The following MBOAT2 variants were observed in gnomAD, a reference collection of about 807,000 sequenced individuals.
MBOAT2 encodes the protein membrane bound glycerophospholipid O-acyltransferase 2.
A neutral mutation model predicts 63.4 loss-of-function variants in MBOAT2; 28 were observed. That is an observed-to-expected ratio of 0.44 (90% CI 0.33 to 0.61). The LOEUF (loss-of-function observed/expected upper bound fraction) is 0.61. Ranked by LOEUF, MBOAT2 falls within the 20% of genes least tolerant of loss-of-function variation. The probability of loss-of-function intolerance (pLI) is 0.03; values close to 1 mark genes in which losing one functional copy is unlikely to be tolerated. For synonymous variants in MBOAT2, 211 were observed against 215.6 expected, an observed-to-expected ratio of 0.98 and a Z score of 0.19; for missense variants, 470 against 605.8, an observed-to-expected ratio of 0.78 and a Z score of 2.35.
chr2:8,915,331 G>A (rs1666092671), intron 3 of MBOAT2, among the ~76,000 whole-genome samples: 1 of 152,138 alleles, frequency 6.6e-6, no homozygotes, highest in Non-Finnish European at 1.5e-5. Context: ...GACCCAGCTG[G>A]TGGGGCTTTT....
At chr2:8,876,163 G>A (rs546684881) in intron 7 of MBOAT2, among the ~76,000 whole-genome samples, 109 of 152,324 alleles carry the variant, frequency 7.2e-4, no homozygotes, top group African/African-American at 2.5e-3. Context: ...GAGCCTCACT[G>A]CCTTTCTTTA....
chr2:8,959,252 A>C (rs1400037610), intron 1 of MBOAT2, among the ~76,000 whole-genome samples: 1 of 152,168 alleles, frequency 6.6e-6, no homozygotes, highest in African/African-American at 2.4e-5. Flanking sequence ...GATAAGGGAC[A>C]AAGCAGCCTT....
At chr2:8,954,873 C>G (rs941533557) in intron 2 of MBOAT2, among the ~76,000 whole-genome samples, 7 of 152,328 alleles carry the variant, frequency 4.6e-5, no homozygotes, top group Non-Finnish European at 8.8e-5. Context: ...GGGAGTGGAG[C>G]AGAGGCGGCC....
At chr2:8,892,940 G>C (rs749143462) in intron 4 of MBOAT2, among the ~76,000 whole-genome samples, 1 of 152,158 alleles carries the variant, frequency 6.6e-6, no homozygotes, top group Admixed American at 6.5e-5. Flanking sequence ...CGAGGACACA[G>C]GCTTGGATCT....
chr2:8,928,012 C>CA (rs1041552633), intron 3 of MBOAT2, among the ~76,000 whole-genome samples: 6 of 152,124 alleles, frequency 3.9e-5, no homozygotes, highest in Non-Finnish European at 7.3e-5. Context: ...GGAGCAGCCA[C>CA]ATCACATGGC....
chr2:8,959,465 T>C (rs1469598657), intron 1 of MBOAT2, among the ~76,000 whole-genome samples: 1 of 130,020 alleles, frequency 7.7e-6, no homozygotes, highest in East Asian at 2.3e-4. Context: ...CCTTTTTTTC[T>C]TTTTTTTTTT....
chr2:8,947,722 G>A (rs763136488), intron 2 of MBOAT2, among the ~76,000 whole-genome samples: 1 of 152,156 alleles, frequency 6.6e-6, no homozygotes, highest in African/African-American at 2.4e-5. Context: ...CCCTTGTCGA[G>A]ATCCATTGCT....
At chr2:8,936,822 GA>G (rs758329603) in intron 3 of MBOAT2, among the ~76,000 whole-genome samples, 123 of 139,740 alleles carry the variant, frequency 8.8e-4, no homozygotes, top group Non-Finnish European at 1.1e-3. Flanking sequence ...AAAAAGAAAA[GA>G]AAAAAAAAGA....
At chr2:8,924,108 G>C (rs897961443) in intron 3 of MBOAT2, among the ~76,000 whole-genome samples, 2 of 151,918 alleles carry the variant, frequency 1.3e-5, no homozygotes, top group Non-Finnish European at 2.9e-5. Context: ...CTCTATATTT[G>C]CTACTTGAAT....
chr2:8,999,498 T>C (rs933886119), intron 1 of MBOAT2, among the ~76,000 whole-genome samples: 14 of 152,206 alleles, frequency 9.2e-5, no homozygotes, highest in African/African-American at 2.9e-4. Flanking sequence ...CTCTAAAAAA[T>C]AGGTTGATCT....
intron 2 of MBOAT2, among the ~76,000 whole-genome samples, chr2:8,954,396 G>A (rs1328898837): frequency 1.3e-5 from 2 of 152,106 alleles, no homozygotes; most frequent in Non-Finnish European, 2.9e-5. Flanking sequence ...CTCAGCCCTG[G>A]GGGGCAGGGG....
At position 8,858,624 on chromosome 2, in the gene MBOAT2, A is replaced by G; in HGVS notation, c.*55T>C. 7.5e-7 allele frequency: 1 copy of G among 1,329,802 alleles called. No individual in the cohort carries two copies. Among genetic ancestry groups the G allele is most frequent in the Non-Finnish European group, 1.0e-6 (1 of 956,938 alleles). 82.4% of individuals were successfully genotyped at this position (1,329,802 alleles called of 1,614,324 possible). On this transcript the variant is annotated 3_prime_UTR_variant, in exon 13 of 13. Coordinates refer to ENST00000305997, the MANE Select transcript of MBOAT2 (RefSeq NM_138799.4). ...AACTCAAACCCCTTGAAAAGGTGCT[A>G]AGATTGGTTTCTGTTAACATCAAAA...
rs1206862433 is a variant in MBOAT2 at position 8,868,452 on chromosome 2, T to C, written c.981A>G (p.Gln327=). Residue 327 remains glutamine, a synonymous_variant, in exon 9 of 13, where the codon CAA becomes CAG. Transcript: ENST00000305997. ...TTCTTAAAGATTGACTCACCTCTAT[T>C]TGTTGAATTCTCAAATTGGAAATTA... ...WDLISNLRIQ[Q]IEMSTSFKMF... 6.2e-7 allele frequency: 1 copy of C among 1,613,566 alleles called. No individual in the cohort carries two copies. The highest frequency in any genetic ancestry group is 8.5e-7 in the Non-Finnish European group (1 of 1,179,726).
At chr2:8,960,298 A>G (rs1490698935) in intron 1 of MBOAT2, among the ~76,000 whole-genome samples, 3 of 152,212 alleles carry the variant, frequency 2.0e-5, no homozygotes, top group Non-Finnish European at 2.9e-5. Context: ...TTTAATTATT[A>G]TAACAAAAAT....
intron 1 of MBOAT2, among the ~76,000 whole-genome samples, chr2:8,976,459 C>G (rs905149321): frequency 6.6e-6 from 1 of 152,094 alleles, no homozygotes; most frequent in Admixed American, 6.6e-5. Context: ...AGGCGACCTA[C>G]TGAAATAAAT....
intron 9 of MBOAT2, among the ~76,000 whole-genome samples, chr2:8,865,484 C>T (rs1024972049): frequency 2.6e-5 from 4 of 152,250 alleles, no homozygotes; most frequent in South Asian, 2.1e-4. Context: ...CCATCTTCTC[C>T]GGGACTTCAA....
chr2:9,001,515 C>T (rs971349527), intron 1 of MBOAT2, among the ~76,000 whole-genome samples: 14 of 152,170 alleles, frequency 9.2e-5, no homozygotes, highest in African/African-American at 3.4e-4. Context: ...GACATGTGGT[C>T]TGATGACCAA....
intron 9 of MBOAT2, among the ~76,000 whole-genome samples, chr2:8,866,868 C>A (rs564846965): frequency 2.0e-5 from 3 of 152,218 alleles, no homozygotes; most frequent in Non-Finnish European, 4.4e-5. Context: ...TTGGTTATCT[C>A]AGCACACTTC....
In MBOAT2 at chr2:8,985,927, A is replaced by G. The variant is rs1039911931; in HGVS notation, c.75+17613T>C. Among the ~76,000 whole-genome samples the G allele has an allele frequency of 5.3e-5, 8 of 152,306 alleles. No homozygotes were observed. The South Asian group carries it at 1.5e-3, about 28-fold the overall frequency. On this transcript the variant is annotated intron_variant, in intron 1 of 12. Coordinates refer to ENST00000305997, the MANE Select transcript of MBOAT2 (RefSeq NM_138799.4). The stretch of plus-strand genomic sequence containing the variant: ...TAGGCTGCTCAGAATGGCTTCTTCC[A>G]AAGAATGCAATATGGAAAGTGGGAG...
Sources: gnomAD v4.1 joint callset for allele counts (sites outside exome capture counted in the v4.1 genomes callset) on GRCh38, gnomAD v4.1.1 for gene constraint, MANE v1.5 for transcripts, NCBI Gene and HGNC (gene_info 2026-07-23, HGNC 2026-07-21) for gene names.